Variants in PLA2R1 observed in about 807,000 individuals in gnomAD.
PLA2R1 encodes phospholipase A2 receptor 1.
Under a neutral mutation model 195.9 loss-of-function variants are expected in PLA2R1, and 158 were observed. The ratio of observed to expected loss-of-function variants is 0.81; its 90% CI spans 0.71 to 0.92. The LOEUF is 0.92. Ranked by LOEUF, PLA2R1 falls within the 40% of genes least tolerant of loss-of-function variation. PLA2R1 has a pLI of 0.00. For missense variants in PLA2R1, 1,626 were observed against 1,764.6 expected (o/e 0.92, Z 1.41); for synonymous variants, 586 against 598.2 (o/e 0.98, Z 0.30).
intron 11 of PLA2R1, among the ~76,000 whole-genome samples, chr2:159,997,246 C>T (rs957268239): frequency 3.3e-5 from 5 of 152,052 alleles, no homozygotes; most frequent in African/African-American, 1.2e-4. Flanking sequence ...CTGGACTGCA[C>T]CCTTGACCAG....
At chr2:160,041,843 A>G (rs957014194) in intron 3 of PLA2R1, among the ~76,000 whole-genome samples, 182 bp downstream of exon 3, 1 of 152,234 alleles carries the variant, frequency 6.6e-6, no homozygotes, top group African/African-American at 2.4e-5. Context: ...CAAAAAGAAT[A>G]TATATTAGAA....
chr2:160,003,804 G>C (rs548802759), intron 11 of PLA2R1, among the ~76,000 whole-genome samples: 4 of 152,236 alleles, frequency 2.6e-5, no homozygotes, highest in African/African-American at 9.6e-5. Flanking sequence ...TTTTGTAGCA[G>C]AAATGAAAAT....
intron 20 of PLA2R1, among the ~76,000 whole-genome samples, chr2:159,964,086 G>T (rs1435981416): frequency 6.6e-6 from 1 of 152,106 alleles, no homozygotes; most frequent in African/African-American, 2.4e-5. Context: ...AGGCAATTTT[G>T]ATATATGCTA....
chr2:159,986,686 G>A (rs1362164371), intron 12 of PLA2R1, among the ~76,000 whole-genome samples: 5 of 151,106 alleles, frequency 3.3e-5, no homozygotes, highest in African/African-American at 4.9e-5. Context: ...TCCCGGGTTC[G>A]AGCCATTCTC....
At chr2:160,056,835 A>G (rs1489858007) in intron 1 of PLA2R1, among the ~76,000 whole-genome samples, 1 of 152,122 alleles carries the variant, frequency 6.6e-6, no homozygotes, top group Non-Finnish European at 1.5e-5. Flanking sequence ...GGCCCTTCTC[A>G]GCAGTACCCA....
At chr2:159,957,644 C>T (rs1024359285) in intron 20 of PLA2R1, among the ~76,000 whole-genome samples, 5 of 152,108 alleles carry the variant, frequency 3.3e-5, no homozygotes, top group Non-Finnish European at 7.4e-5. Flanking sequence ...TGAGCCACTG[C>T]GCCCTGCCAC....
At position 159,949,607 on chromosome 2, in the gene PLA2R1, C is replaced by G. The variant is rs1360870212; in HGVS notation, c.3709+1G>C. 1 of 1,610,968 alleles carries G rather than the reference C, an allele frequency of 6.2e-7. No individual in the cohort carries two copies. The highest frequency in any genetic ancestry group is 8.5e-7 in the Non-Finnish European group (1 of 1,177,354). ...TTTGAGTTGAATAGAATTGAACCTA[C>G]CAGGTGGCACATGACAAATGGCACC... On this transcript the variant is annotated splice_donor_variant, in intron 25 of 29. Coordinates refer to ENST00000283243, the MANE Select transcript of PLA2R1 (RefSeq NM_007366.5). LOFTEE classifies it high-confidence loss of function.
intron 15 of PLA2R1, 86 bp downstream of exon 15, chr2:159,977,198 A>G: frequency 1.1e-6 from 1 of 941,804 alleles, no homozygotes. Flanking sequence ...ATTTGTTGAT[A>G]TTGTGGTTTG....
At chr2:160,050,245 C>T (rs1160121351) in intron 1 of PLA2R1, among the ~76,000 whole-genome samples, 3 of 151,638 alleles carry the variant, frequency 2.0e-5, no homozygotes, top group African/African-American at 4.9e-5. Flanking sequence ...GTGGACAAGA[C>T]CCCTCAGTGT....
intron 7 of PLA2R1, among the ~76,000 whole-genome samples, chr2:160,022,431 A>T (rs2105474681): frequency 6.6e-6 from 1 of 152,286 alleles, no homozygotes; most frequent in South Asian, 2.1e-4. Flanking sequence ...ACTTTCCAAA[A>T]ATTTAAAAAT....
At chr2:160,047,535 A>T (rs1006366678) in intron 1 of PLA2R1, among the ~76,000 whole-genome samples, 2 of 152,200 alleles carry the variant, frequency 1.3e-5, no homozygotes, top group Non-Finnish European at 2.9e-5. Context: ...TTAGTTTTAA[A>T]CAATCCTGAG....
intron 19 of PLA2R1, 72 bp from the exon 20 acceptor site, chr2:159,967,750 C>T (rs2105228323): frequency 1.6e-6 from 2 of 1,269,430 alleles, no homozygotes; most frequent in East Asian, 2.4e-5. Context: ...CTATTGATCA[C>T]TATTTTTATG....
intron 3 of PLA2R1, among the ~76,000 whole-genome samples, chr2:160,037,285 T>C (rs6740901): frequency 0.78 from 118,530 of 152,194 alleles, 46,793 homozygotes; most frequent in Admixed American, 0.85. Context: ...TGCTTAAAAC[T>C]CTTTTGATAG....
intron 3 of PLA2R1, among the ~76,000 whole-genome samples, chr2:160,035,307 C>T (rs1694105694): frequency 6.6e-6 from 1 of 152,186 alleles, no homozygotes; most frequent in Admixed American, 6.5e-5. Context: ...TTGTCATAGA[C>T]ACTGTGATGT....
rs768796788 is a variant in PLA2R1, at chr2:160,020,161, A to G, written c.1397T>C (p.Leu466Pro). ...TCTATTTGGAAAAATGTGGGGCTCA[A>G]GTGTGTGCCAATTAGTAAAGATGAC... ...SSVIFTNWHTLEPHIFPNRSQ... is the reference protein window; with the variant it reads ...SSVIFTNWHTPEPHIFPNRSQ... The change falls in exon 8 of 30, where the codon CTT (leucine) becomes CCT (proline). Residue 466 changes from leucine (L) to proline (P), a missense_variant. By Grantham distance (98) the Leu-to-Pro change is moderately conservative. Transcript: ENST00000283243. The G allele has an allele frequency of 8.7e-6, 14 of 1,613,674 alleles. No individual in the cohort carries two copies. In the East Asian group the frequency reaches 2.9e-4, roughly 33 times the overall value.
chr2:160,025,192 T>C (rs1052131062), intron 6 of PLA2R1, among the ~76,000 whole-genome samples: 7 of 152,126 alleles, frequency 4.6e-5, no homozygotes, highest in Non-Finnish European at 1.0e-4. Context: ...CTATGAAGAT[T>C]AAAGTCAAAA....
At chr2:160,030,626 C>T (rs1310744795) in intron 4 of PLA2R1, among the ~76,000 whole-genome samples, 1 of 152,180 alleles carries the variant, frequency 6.6e-6, no homozygotes, top group Non-Finnish European at 1.5e-5. Context: ...ACCTTTAGGA[C>T]TAAGCTGGCC....
chr2:160,051,838 C>A (rs1695229591), intron 1 of PLA2R1, among the ~76,000 whole-genome samples: 1 of 152,172 alleles, frequency 6.6e-6, no homozygotes, highest in Non-Finnish European at 1.5e-5. Flanking sequence ...GCCCTTCCTA[C>A]CTCTCTCTCT....
chr2:160,044,915 T>C lies in PLA2R1; in HGVS notation c.352A>G (p.Asn118Asp). The change falls in exon 2 of 30, where the codon AAC becomes GAC. Residue 118 changes from asparagine to aspartate, a missense_variant. Asn to Asp is a conservative substitution (Grantham distance 23). Coordinates refer to ENST00000283243, the MANE Select transcript of PLA2R1 (RefSeq NM_007366.5). Reference protein sequence around the residue: ...STLVSLRWRCNRKMITGPLQY... With the variant: ...STLVSLRWRCDRKMITGPLQY... Reference sequence around the variant, plus strand: ...AGCGGGCCTGTGATCATCTTCCTGTTACAGCGCCACCGTAAGGAAACGAGG... The same window carrying C: ...AGCGGGCCTGTGATCATCTTCCTGTCACAGCGCCACCGTAAGGAAACGAGG... The C allele has an allele frequency of 1.9e-6, 3 of 1,614,130 alleles. No homozygotes were observed. The highest frequency in any genetic ancestry group is 8.5e-7 in the Non-Finnish European group (1 of 1,180,022).
Sources: gnomAD v4.1 joint callset for allele counts (sites outside exome capture counted in the v4.1 genomes callset) on GRCh38, gnomAD v4.1.1 for gene constraint, MANE v1.5 for transcripts, NCBI Gene and HGNC (gene_info 2026-07-23, HGNC 2026-07-21) for gene names.